TENM3: variants seen among roughly 807,000 people sequenced by gnomAD.
TENM3 encodes the protein teneurin transmembrane protein 3.
Under a neutral mutation model 255.1 loss-of-function variants are expected in TENM3, and 63 were observed. The observed-to-expected ratio is 0.25, with a 90% CI of 0.20 to 0.30. TENM3 has a LOEUF of 0.30. TENM3 is among the 10% of genes least tolerant of loss of function. The pLI is 1.00. For missense variants in TENM3, 2,929 were observed against 3,461.1 expected (o/e 0.85, Z 3.86); for synonymous variants, 1,306 against 1,322.3 (o/e 0.99, Z 0.27).
chr4:182,372,297 T>A (rs2150865106), intron 3 of TENM3, among the ~76,000 whole-genome samples: 1 of 152,336 alleles, frequency 6.6e-6, no homozygotes, highest in South Asian at 2.1e-4. Context: ...TGTCAACAGA[T>A]TCATTATGTT....
chr4:182,274,035 A>G (rs1759830315), intron 1 of TENM3, among the ~76,000 whole-genome samples: 1 of 152,352 alleles, frequency 6.6e-6, no homozygotes, highest in Admixed American at 6.5e-5. Flanking sequence ...AATCAGCAAC[A>G]ATGTGAAAGA....
At chr4:181,747,309 T>G in the TENM3 span, among the ~76,000 whole-genome samples, 1 of 152,160 alleles carries the variant, frequency 6.6e-6, no homozygotes, top group African/African-American at 2.4e-5. Flanking sequence ...TCTATTTCTA[T>G]AAATTGCCTT....
intron 3 of TENM3, among the ~76,000 whole-genome samples, chr4:182,454,437 A>G (rs567432193): frequency 3.2e-4 from 49 of 152,098 alleles, no homozygotes; most frequent in African/African-American, 1.0e-3. Context: ...ACCATTCTGT[A>G]TTTGCTTTTA....
chr4:182,473,546 GC>G (rs1733362713), intron 3 of TENM3, among the ~76,000 whole-genome samples: 1 of 152,130 alleles, frequency 6.6e-6, no homozygotes, highest in Non-Finnish European at 1.5e-5. Context: ...GGTGGCGGGT[GC>G]CTGTAGTCCC....
At chr4:182,516,295 A>G (rs998319736) in intron 3 of TENM3, among the ~76,000 whole-genome samples, 2 of 152,230 alleles carry the variant, frequency 1.3e-5, no homozygotes, top group Non-Finnish European at 2.9e-5. Context: ...TTATTATTCA[A>G]TGAGATAATG....
the TENM3 span, among the ~76,000 whole-genome samples, chr4:181,685,015 C>G: frequency 6.6e-6 from 1 of 150,552 alleles, no homozygotes. Flanking sequence ...ATCCTCCCAC[C>G]ACCCTCCCAA....
the TENM3 span, among the ~76,000 whole-genome samples, chr4:181,918,667 G>A: frequency 6.6e-6 from 1 of 151,926 alleles, no homozygotes; most frequent in Non-Finnish European, 1.5e-5. Flanking sequence ...TAATACATCA[G>A]TAATTTCCAT....
At chr4:182,409,586 A>G (rs1278152729) in intron 3 of TENM3, among the ~76,000 whole-genome samples, 1 of 152,160 alleles carries the variant, frequency 6.6e-6, no homozygotes, top group South Asian at 2.1e-4. Context: ...CTGGTTCTTC[A>G]GCAGTCGATG....
chr4:181,771,853 C>G, the TENM3 span, among the ~76,000 whole-genome samples: 1 of 152,222 alleles, frequency 6.6e-6, no homozygotes, highest in South Asian at 2.1e-4. Flanking sequence ...CCAAGCTCTT[C>G]TCTTAAATTC....
Position 182,799,449 on chromosome 4 carries a change from C to T in TENM3, c.7345-147C>T. The T allele has an allele frequency of 4.0e-6, 4 of 1,003,990 alleles. No individual in the cohort carries two copies. Among genetic ancestry groups the T allele is most frequent in the South Asian group, 3.6e-5 (2 of 55,800 alleles). 62.2% of individuals were successfully genotyped at this position (1,003,990 alleles called of 1,614,324 possible). ...GGGGAGGGATCTCGAGTGCTCCCTC[C>T]ACCCGGGCTGTCAGCCTTCTGGTCA... On this transcript the variant is annotated intron_variant, in intron 27 of 27. Coordinates refer to ENST00000511685, the MANE Select transcript of TENM3 (RefSeq NM_001080477.4). This position sits in a 1 kb window ranked among gnomAD's most constrained non-coding sequence, Gnocchi z 4.2.
At chr4:181,561,959 GTTTTC>G in the TENM3 span, among the ~76,000 whole-genome samples, 536 of 152,070 alleles carry the variant, frequency 3.5e-3, 6 homozygotes, top group African/African-American at 0.012. Flanking sequence ...AATTGTGGGT[GTTTTC>G]TTTTCTTTTT....
chr4:182,084,429 T>C, the TENM3 span, among the ~76,000 whole-genome samples: 1 of 152,182 alleles, frequency 6.6e-6, no homozygotes, highest in Admixed American at 6.5e-5. Flanking sequence ...TTAGAGATAG[T>C]GTTCATTTGA....
intron 3 of TENM3, among the ~76,000 whole-genome samples, chr4:182,471,977 A>G (rs1335151485): frequency 6.6e-6 from 1 of 152,148 alleles, no homozygotes. Flanking sequence ...TTTCTCTAAA[A>G]GTTACAAGAG....
rs531838054 is a variant in TENM3 at position 182,235,976 on chromosome 4, T to G, written c.-75-87970T>G. Among the ~76,000 whole-genome samples the G allele has an allele frequency of 2.0e-5, 3 of 152,292 alleles. No individual in the cohort carries two copies. The South Asian group carries it at 6.2e-4, about 32-fold the overall frequency. On this transcript the variant is annotated intron_variant, in intron 1 of 2. Transcript: ENST00000512480. Reference sequence around the variant, plus strand: ...TTATCCCAAGGGCAAAGAGAAGCATTGAAAGGTTTGATACAGGCAAGTGAC... The same window carrying G: ...TTATCCCAAGGGCAAAGAGAAGCATGGAAAGGTTTGATACAGGCAAGTGAC...
At chr4:181,934,570 G>T in the TENM3 span, among the ~76,000 whole-genome samples, 5 of 152,080 alleles carry the variant, frequency 3.3e-5, no homozygotes, top group Non-Finnish European at 7.4e-5. Flanking sequence ...TAAGTGATTT[G>T]CCTACTATCA....
At chr4:181,570,175 A>G in the TENM3 span, among the ~76,000 whole-genome samples, 1 of 151,268 alleles carries the variant, frequency 6.6e-6, no homozygotes, top group Non-Finnish European at 1.5e-5. Flanking sequence ...CCTCCCGAGT[A>G]GCTGGGACTA....
chr4:181,781,102 C>A, the TENM3 span, among the ~76,000 whole-genome samples: 120 of 152,114 alleles, frequency 7.9e-4, no homozygotes, highest in Middle Eastern at 0.021. Context: ...CTTGGCAATG[C>A]GGGCTCTTTT....
At chr4:182,415,055 A>G (rs1057101994) in intron 3 of TENM3, among the ~76,000 whole-genome samples, 2 of 152,236 alleles carry the variant, frequency 1.3e-5, no homozygotes, top group African/African-American at 4.8e-5. Context: ...AATAGGTGAC[A>G]CACTGTTAAT....
At chr4:182,040,615 C>T in the TENM3 span, among the ~76,000 whole-genome samples, 2 of 152,120 alleles carry the variant, frequency 1.3e-5, no homozygotes, top group Admixed American at 6.6e-5. Context: ...GGTCCTTGTT[C>T]ACAGTTTTCA....
Sources: gnomAD v4.1 joint callset for allele counts (sites outside exome capture counted in the v4.1 genomes callset) on GRCh38, gnomAD v4.1.1 for gene constraint, Gnocchi (gnomAD v3.1) non-coding constraint, MANE v1.5 for transcripts, NCBI Gene and HGNC (gene_info 2026-07-23, HGNC 2026-07-21) for gene names.